Variants in RHCE observed in about 807,000 individuals in gnomAD.
The protein encoded by RHCE is Rh blood group CcEe antigens.
RHCE carries 22 observed loss-of-function variants against 43.8 expected under a neutral mutation model. That is an observed-to-expected ratio of 0.50 (90% confidence interval 0.36 to 0.72). RHCE has a LOEUF of 0.72. Ranked by LOEUF, RHCE falls within the 30% of genes least tolerant of loss-of-function variation. RHCE has a pLI of 0.00. For synonymous variants in RHCE, 156 were observed against 210.7 expected (o/e 0.74, Z 2.25); for missense variants, 385 against 525.4 (o/e 0.73, Z 2.61).
At chr1:25,405,150 G>A (rs1489166641) in intron 2 of RHCE, among the ~76,000 whole-genome samples, 1 of 152,098 alleles carries the variant, frequency 6.6e-6, no homozygotes, top group Non-Finnish European at 1.5e-5. Context: ...TTGAGCCCAG[G>A]AGTTTGAGAC....
chr1:25,416,689 C>T (rs1557644527), intron 1 of RHCE, among the ~76,000 whole-genome samples: 1 of 151,874 alleles, frequency 6.6e-6, no homozygotes. Context: ...CAATCCCGTC[C>T]CACTGCAGCC....
intron 1 of RHCE, among the ~76,000 whole-genome samples, chr1:25,418,463 C>T (rs753066979): frequency 2.6e-5 from 4 of 151,894 alleles, no homozygotes; most frequent in African/African-American, 9.7e-5. Context: ...CCACCACACC[C>T]GGCTAGTTTT....
chr1:25,411,476 G>A (rs1457496655), intron 1 of RHCE: 3 of 1,546,152 alleles, frequency 1.9e-6, no homozygotes, highest in African/African-American at 1.4e-5. Context: ...ACACACCCAG[G>A]GTCTGCCAGA....
rs28525593 is a variant in RHCE, at chr1:25,419,247, T to A, written c.148+1392A>T. 1.4e-4 allele frequency among the ~76,000 whole-genome samples: 21 copies of A among 152,354 alleles called. No homozygotes were observed. In the South Asian group the frequency reaches 1.4e-3, roughly 11 times the overall value. On this transcript the variant is annotated intron_variant, in intron 1 of 9. Transcript: ENST00000294413. Reference sequence around the variant, plus strand: ...ATAAATATCAGTTCTAATCATCATGTGTCTGGATCCCACATTGGATGTCAT... The same window carrying A: ...ATAAATATCAGTTCTAATCATCATGAGTCTGGATCCCACATTGGATGTCAT...
chr1:25,414,865 G>GA (rs1272283142), intron 1 of RHCE, among the ~76,000 whole-genome samples: 1 of 152,128 alleles, frequency 6.6e-6, no homozygotes, highest in Non-Finnish European at 1.5e-5. Flanking sequence ...CTGCCCAGCT[G>GA]AACCCAGCCC....
chr1:25,383,295 G>A (rs577162504), intron 7 of RHCE, among the ~76,000 whole-genome samples: 3 of 152,302 alleles, frequency 2.0e-5, no homozygotes, highest in African/African-American at 7.2e-5. Flanking sequence ...AGGAAATTGG[G>A]AAATATTGTT....
chr1:25,384,354 T>C (rs527385637), intron 7 of RHCE, among the ~76,000 whole-genome samples: 2 of 152,038 alleles, frequency 1.3e-5, no homozygotes, highest in African/African-American at 4.8e-5. Context: ...TGCACTGTGA[T>C]GGTGGGTGCA....
rs1645549916 is a variant in RHCE, at chr1:25,369,772, C to T, written c.1227+695G>A. Among the ~76,000 whole-genome samples, 2 of 123,878 alleles carry T rather than the reference C, an allele frequency of 1.6e-5. 1 individual carries two copies. Among genetic ancestry groups the T allele is most frequent in the African/African-American group, 6.5e-5 (2 of 30,806 alleles). 81.3% of individuals were successfully genotyped at this position (123,878 alleles called of 152,430 possible). A position where few individuals can be genotyped will look rare whatever the true frequency, so the allele number is the denominator to read the frequency against. ...TTTTTTTTGAGACAGAGTGTCAGCT[C>T]TTGTCACCCAGGCTGGAGTGCAGTG... On this transcript the variant is annotated intron_variant, in intron 9 of 9. Coordinates refer to ENST00000294413, the MANE Select transcript of RHCE (RefSeq NM_020485.8).
rs548044758 is a variant in RHCE at position 25,389,109 on chromosome 1, T to C, written c.806A>G (p.Tyr269Cys). 40 of 1,613,794 alleles carry C rather than the reference T, an allele frequency of 2.5e-5. 1 individual carries two copies. The South Asian group carries it at 3.6e-4, about 15-fold the overall frequency. Residue 269 changes from tyrosine to cysteine, a missense_variant, in exon 6 of 10, where the codon TAT (tyrosine) becomes TGT (cysteine). Tyr to Cys is a radical substitution (Grantham distance 194). Coordinates refer to ENST00000294413, the MANE Select transcript of RHCE (RefSeq NM_020485.8). ...TCCTGCCAACACCGCACTGTGCACATAAGTCTGCAAAGAAATAGCGTGTGG... is the reference window on the plus strand; with the variant it reads ...TCCTGCCAACACCGCACTGTGCACACAAGTCTGCAAAGAAATAGCGTGTGG... ...AHPQRKISMT[Y>C]VHSAVLAGGV...
At chr1:25,417,933 C>T (rs1289118031) in intron 1 of RHCE, among the ~76,000 whole-genome samples, 4 of 152,320 alleles carry the variant, frequency 2.6e-5, no homozygotes, top group South Asian at 4.1e-4. Flanking sequence ...CCAAACTTGT[C>T]GCGCTCCTGT....
intron 7 of RHCE, among the ~76,000 whole-genome samples, chr1:25,378,202 A>G (rs756771324): frequency 6.6e-6 from 1 of 152,232 alleles, no homozygotes; most frequent in Non-Finnish European, 1.5e-5. Context: ...AGGAGCTTCT[A>G]TACACTACTG....
chr1:25,390,379 T>C (rs1188714481), intron 5 of RHCE, among the ~76,000 whole-genome samples: 1 of 152,174 alleles, frequency 6.6e-6, no homozygotes, highest in Non-Finnish European at 1.5e-5. Context: ...GTTCCATTCT[T>C]GAAATTTGTT....
At chr1:25,412,726 A>AT (rs1331431685) in intron 1 of RHCE, among the ~76,000 whole-genome samples, 1,772 of 148,688 alleles carry the variant, frequency 0.012, 45 homozygotes, top group African/African-American at 0.041. Context: ...AAAAAAAAAA[A>AT]AAAAAAAAAA....
chr1:25,376,849 G>T (rs1571839688), intron 7 of RHCE, among the ~76,000 whole-genome samples: 1 of 152,000 alleles, frequency 6.6e-6, no homozygotes, highest in South Asian at 2.1e-4. Flanking sequence ...AGGAGGTGGA[G>T]TTTGCAGTGA....
chr1:25,386,821 C>G (rs1264493353), intron 6 of RHCE, among the ~76,000 whole-genome samples: 3 of 128,256 alleles, frequency 2.3e-5, no homozygotes, highest in Non-Finnish European at 4.6e-5. Context: ...GACACCGTCT[C>G]AACAACAACA....
upstream of RHCE, among the ~76,000 whole-genome samples, chr1:25,422,869 AG>A (rs1410506114): frequency 6.6e-6 from 1 of 152,178 alleles, no homozygotes; most frequent in Non-Finnish European, 1.5e-5. Context: ...CACGCAACCT[AG>A]ATCCCTCTCA....
intron 7 of RHCE, 59 bp downstream of exon 7, chr1:25,385,652 A>T: frequency 6.2e-7 from 1 of 1,613,468 alleles, no homozygotes; most frequent in East Asian, 2.2e-5. Flanking sequence ...CTCTGCACAC[A>T]TTTCTTCCTG....
At chr1:25,387,547 G>A (rs1646216528) in intron 6 of RHCE, among the ~76,000 whole-genome samples, 1 of 152,172 alleles carries the variant, frequency 6.6e-6, no homozygotes, top group African/African-American at 2.4e-5. Flanking sequence ...GGAATGCGAT[G>A]GGCGCTGAGC....
intron 7 of RHCE, among the ~76,000 whole-genome samples, chr1:25,378,997 C>T (rs1249088677): frequency 6.6e-6 from 1 of 152,168 alleles, no homozygotes; most frequent in African/African-American, 2.4e-5. Flanking sequence ...AAAGCACAGA[C>T]TTACTGTATG....
Sources: allele counts gnomAD v4.1 joint callset (sites outside exome capture counted in the v4.1 genomes callset), GRCh38; gene constraint gnomAD v4.1.1; transcripts MANE v1.5; gene names NCBI Gene and HGNC (gene_info 2026-07-23, HGNC 2026-07-21).